The following CDH11 variants were observed in gnomAD, a reference collection of about 807,000 sequenced individuals.
CDH11 encodes the protein cadherin-11.
Under a neutral mutation model 67.8 loss-of-function variants are expected in CDH11, and 11 were observed. The observed-to-expected ratio is 0.16, with a 90% CI of 0.10 to 0.27. CDH11 has a LOEUF of 0.27. Among genes scored for constraint, CDH11 ranks in the 10% least tolerant of loss-of-function variants. The probability of loss-of-function intolerance (pLI) is 1.00; values close to 1 mark genes in which losing one functional copy is unlikely to be tolerated. For missense variants in CDH11, 847 were observed against 1,031.2 expected (o/e 0.82, Z 2.45); for synonymous variants, 419 against 400.0 (o/e 1.05, Z -0.57).
rs570929958 is a variant in CDH11, at chr16:65,092,430, G to A, written c.-298+29450C>T. On this transcript the variant is annotated intron_variant, in intron 1 of 12. Transcript: ENST00000268603. ...ACCTCAATCCCATTCAGCCCAGGGAGACCAAAGTGCTTTGGGCCAAACTGA... is the reference window on the plus strand; with the variant it reads ...ACCTCAATCCCATTCAGCCCAGGGAAACCAAAGTGCTTTGGGCCAAACTGA... Among the ~76,000 whole-genome samples, 8 of 152,322 alleles carry A rather than the reference G, an allele frequency of 5.3e-5. No homozygotes were observed. The East Asian group carries it at 1.5e-3, about 29-fold the overall frequency.
intron 2 of CDH11, among the ~76,000 whole-genome samples, chr16:65,051,130 G>C (rs1180597258): frequency 6.6e-6 from 1 of 152,168 alleles, no homozygotes; most frequent in Non-Finnish European, 1.5e-5. Flanking sequence ...ATTCTGGTGC[G>C]TTTGTAGGGG....
chr16:65,123,061 C>T (rs1437623430), upstream of CDH11, among the ~76,000 whole-genome samples: 1 of 152,160 alleles, frequency 6.6e-6, no homozygotes, highest in Non-Finnish European at 1.5e-5. Context: ...TTCCCCGGGC[C>T]TGCTTCCTGC....
At chr16:65,010,525 T>G (rs535866511) in intron 2 of CDH11, among the ~76,000 whole-genome samples, 1 of 152,226 alleles carries the variant, frequency 6.6e-6, no homozygotes, top group African/African-American at 2.4e-5. Flanking sequence ...AAGCTTGGGG[T>G]AATCACTTCT....
At chr16:65,028,935 A>G (rs2073585550) in intron 2 of CDH11, among the ~76,000 whole-genome samples, 1 of 152,150 alleles carries the variant, frequency 6.6e-6, no homozygotes, top group African/African-American at 2.4e-5. Context: ...GGGGCAGGGG[A>G]AAATAGGGAG....
intron 1 of CDH11, among the ~76,000 whole-genome samples, chr16:65,118,167 T>C (rs2075274749): frequency 6.6e-6 from 1 of 152,138 alleles, no homozygotes; most frequent in African/African-American, 2.4e-5. Context: ...GCCATTGCCC[T>C]CTAGTGGCCA....
intron 1 of CDH11, among the ~76,000 whole-genome samples, chr16:65,058,267 G>A (rs2074180278): frequency 6.6e-6 from 1 of 152,084 alleles, no homozygotes; most frequent in Admixed American, 6.6e-5. Flanking sequence ...CCACCACAAT[G>A]GGATATTTTG....
rs139551967 is a variant in CDH11, at chr16:65,121,683, C to T, written c.-298+197G>A. Among the ~76,000 whole-genome samples, 621 of 152,324 alleles carry T rather than the reference C, an allele frequency of 4.1e-3. 6 individuals carry two copies. Among genetic ancestry groups the T allele is most frequent in the African/African-American group, 0.014 (591 of 41,576 alleles). On this transcript the variant is annotated intron_variant, in intron 1 of 12. Transcript: ENST00000268603. The surrounding 1 kb of genome is among the most constrained non-coding windows in gnomAD (Gnocchi z 4.1). Reference sequence around the variant, plus strand: ...CTGCTTTGCCCGCGCCCACAGCTGGCTCCCTTCTCCCTTTCTGATTTTTAA... The same window carrying T: ...CTGCTTTGCCCGCGCCCACAGCTGGTTCCCTTCTCCCTTTCTGATTTTTAA...
rs966707235 is a variant in CDH11 at position 64,988,100 on chromosome 16, T to C, written c.999+57A>G. The C allele has an allele frequency of 5.8e-6, 8 of 1,371,142 alleles. No individual in the cohort carries two copies. The East Asian group carries it at 1.7e-4, about 30-fold the overall frequency. The allele number at this position is 1,371,142 out of a possible 1,614,324, so 84.9% of individuals were successfully genotyped here. On this transcript the variant is annotated intron_variant, in intron 7 of 12. Coordinates refer to ENST00000268603, the MANE Select transcript of CDH11 (RefSeq NM_001797.4). ...CGTCGCCTCCCTGTTTCTTGCAGTG[T>C]TGCCTTGGCAGAGCAGGCCATACCA...
chr16:65,097,374 C>T (rs2074916676), intron 1 of CDH11, among the ~76,000 whole-genome samples: 2 of 152,202 alleles, frequency 1.3e-5, no homozygotes, highest in African/African-American at 4.8e-5. Context: ...TGGTAATTGT[C>T]ATGACTGTTC....
chr16:65,066,302 A>T (rs191360165), intron 1 of CDH11, among the ~76,000 whole-genome samples: 3 of 152,242 alleles, frequency 2.0e-5, no homozygotes, highest in Admixed American at 2.0e-4. Context: ...CACACGCACA[A>T]AGCTTACACT....
At chr16:65,102,919 C>A (rs989612846) in intron 1 of CDH11, among the ~76,000 whole-genome samples, 9 of 152,296 alleles carry the variant, frequency 5.9e-5, no homozygotes, top group Non-Finnish European at 1.3e-4. Context: ...AACACTGAAA[C>A]TGAGCATTAT....
At chr16:65,040,863 T>C (rs542297505) in intron 2 of CDH11, among the ~76,000 whole-genome samples, 23 of 152,318 alleles carry the variant, frequency 1.5e-4, no homozygotes, top group Admixed American at 2.6e-4. Context: ...GTTGCATGCA[T>C]AGAAAATGTA....
At chr16:65,069,357 G>A (rs780719752) in intron 1 of CDH11, among the ~76,000 whole-genome samples, 16 of 152,168 alleles carry the variant, frequency 1.1e-4, no homozygotes, top group African/African-American at 1.7e-4. Flanking sequence ...AGGACAATTC[G>A]TGAGTCAGAG....
chr16:65,099,461 G>A (rs1046675648), intron 1 of CDH11, among the ~76,000 whole-genome samples: 1 of 152,272 alleles, frequency 6.6e-6, no homozygotes, highest in African/African-American at 2.4e-5. Context: ...GAGATGGACT[G>A]TAACTCAAGG....
intron 1 of CDH11, among the ~76,000 whole-genome samples, chr16:65,086,711 C>T (rs1348904172): frequency 6.6e-6 from 1 of 152,150 alleles, no homozygotes; most frequent in Non-Finnish European, 1.5e-5. Flanking sequence ...AGGGTTAGGG[C>T]TCTAGAAACT....
chr16:64,971,728 A>C, intron 10 of CDH11, 32 bp from the exon 11 acceptor site: 5 of 1,501,730 alleles, frequency 3.3e-6, no homozygotes, highest in Non-Finnish European at 4.6e-6. Flanking sequence ...TAAATAAATC[A>C]TGCTGACATT....
intron 1 of CDH11, among the ~76,000 whole-genome samples, chr16:65,071,040 G>T (rs939470875): frequency 6.6e-6 from 1 of 152,158 alleles, no homozygotes; most frequent in Non-Finnish European, 1.5e-5. Flanking sequence ...GTCACTGTCC[G>T]ACTGAACTCT....
intron 11 of CDH11, among the ~76,000 whole-genome samples, chr16:64,951,740 TCCACC>T (rs1019183578): frequency 6.6e-5 from 10 of 152,184 alleles, no homozygotes; most frequent in African/African-American, 2.2e-4. Flanking sequence ...AAATTCCAAG[TCCACC>T]TTCAAACCTT....
At chr16:65,105,211 T>C (rs1050275348) in intron 1 of CDH11, among the ~76,000 whole-genome samples, 2 of 152,170 alleles carry the variant, frequency 1.3e-5, no homozygotes, top group East Asian at 1.9e-4. Context: ...TGCTGTTTGT[T>C]TATTTGTTTT....
Sources: gnomAD v4.1 joint callset for allele counts (sites outside exome capture counted in the v4.1 genomes callset) on GRCh38, gnomAD v4.1.1 for gene constraint, Gnocchi (gnomAD v3.1) non-coding constraint, MANE v1.5 for transcripts, NCBI Gene and HGNC (gene_info 2026-07-23, HGNC 2026-07-21) for gene names.